ARNT2: variants seen among roughly 807,000 people sequenced by gnomAD.
ARNT2 encodes aryl hydrocarbon receptor nuclear translocator 2.
A neutral mutation model predicts 91.7 loss-of-function variants in ARNT2; 36 were observed. The observed-to-expected ratio is 0.39, with a 90% CI of 0.30 to 0.52. The LOEUF is 0.52. Among genes scored for constraint, ARNT2 ranks in the 20% least tolerant of loss-of-function variants. The pLI, the probability that ARNT2 is intolerant of heterozygous loss-of-function variation, is 0.72. For synonymous variants in ARNT2, 365 were observed against 347.1 expected, an observed-to-expected ratio of 1.05 and a Z score of -0.57; for missense variants, 775 against 939.3, an observed-to-expected ratio of 0.83 and a Z score of 2.29.
At chr15:80,420,137 G>A (rs1895842024) in intron 1 of ARNT2, among the ~76,000 whole-genome samples, 1 of 151,964 alleles carries the variant, frequency 6.6e-6, no homozygotes, top group South Asian at 2.1e-4. Context: ...TCTTCTATCA[G>A]CCCCTCTTTT....
chr15:80,509,372 G>C (rs1454912381), intron 6 of ARNT2, among the ~76,000 whole-genome samples: 1 of 152,096 alleles, frequency 6.6e-6, no homozygotes, highest in African/African-American at 2.4e-5. Flanking sequence ...AACCCAGGAG[G>C]CGGAGGTTGC....
intron 3 of ARNT2, 64 bp downstream of exon 3, chr15:80,458,040 T>C (rs1896504159): frequency 2.6e-6 from 4 of 1,525,260 alleles, no homozygotes; most frequent in East Asian, 4.5e-5. Flanking sequence ...CTTAGAAAGA[T>C]ACAAGAATGT....
At chr15:80,441,450 G>A (rs557514872) in intron 1 of ARNT2, 8 of 963,194 alleles carry the variant, frequency 8.3e-6, no homozygotes, top group South Asian at 9.6e-5. Flanking sequence ...TGAGAAGAGC[G>A]TTTTTCTTTG....
At chr15:80,465,626 C>T (rs767293610) in intron 3 of ARNT2, among the ~76,000 whole-genome samples, 5 of 152,178 alleles carry the variant, frequency 3.3e-5, no homozygotes, top group Non-Finnish European at 7.4e-5. Context: ...GGTGGCCTGG[C>T]TAGAGCTAGA....
chr15:80,520,743 A>G (rs1026928868), intron 8 of ARNT2, among the ~76,000 whole-genome samples: 1 of 152,176 alleles, frequency 6.6e-6, no homozygotes, highest in South Asian at 2.1e-4. Context: ...CCATATTTCA[A>G]TAAAGCTAGG....
intron 5 of ARNT2, among the ~76,000 whole-genome samples, chr15:80,505,947 T>TTTTTTTTTTA (rs1897269038): frequency 2.5e-5 from 3 of 121,164 alleles, no homozygotes; most frequent in Admixed American, 8.6e-5. Context: ...TTTTTTTTTT[T>TTTTTTTTTTA]GAGACGGAGT....
At chr15:80,414,588 C>A (rs1014615852) in intron 1 of ARNT2, among the ~76,000 whole-genome samples, 5 of 152,066 alleles carry the variant, frequency 3.3e-5, no homozygotes, top group Non-Finnish European at 7.4e-5. Flanking sequence ...AACAGAACTG[C>A]AAAAAGTTAT....
chr15:80,445,822 G>T (rs1896291998), intron 1 of ARNT2, among the ~76,000 whole-genome samples: 1 of 151,998 alleles, frequency 6.6e-6, no homozygotes, highest in African/African-American at 2.4e-5. Flanking sequence ...TCTGTCTCTG[G>T]CCACAGCCTC....
At chr15:80,540,390 C>G (rs976926760) in intron 8 of ARNT2, among the ~76,000 whole-genome samples, 3 of 152,148 alleles carry the variant, frequency 2.0e-5, no homozygotes, top group African/African-American at 7.2e-5. Context: ...GAATTGATTT[C>G]TGTTTCCTTA....
intron 1 of ARNT2, among the ~76,000 whole-genome samples, chr15:80,410,678 T>G (rs1895667899): frequency 6.6e-6 from 1 of 152,188 alleles, no homozygotes; most frequent in Non-Finnish European, 1.5e-5. Context: ...TTGTCTGTCT[T>G]TATTGAGATT....
rs942202263 is a variant in ARNT2 at position 80,513,069 on chromosome 15, T to C, written c.726-842T>C. 7.9e-5 allele frequency among the ~76,000 whole-genome samples: 12 copies of C among 152,296 alleles called. 1 individual carries two copies. In the East Asian group the frequency reaches 9.7e-4, roughly 12 times the overall value. On this transcript the variant is annotated intron_variant, in intron 6 of 18. Transcript: ENST00000303329. ...GGCAGCTGTCTAAGGTCTCAGAGTATAACTAGACTCTTATCCCTGCTGTAT... is the reference window on the plus strand; with the variant it reads ...GGCAGCTGTCTAAGGTCTCAGAGTACAACTAGACTCTTATCCCTGCTGTAT...
At chr15:80,439,679 T>C (rs985676490) in intron 1 of ARNT2, among the ~76,000 whole-genome samples, 3 of 152,240 alleles carry the variant, frequency 2.0e-5, no homozygotes, top group African/African-American at 7.2e-5. Context: ...CAACTGCCTT[T>C]GGACAGTCAA....
chr15:80,579,615 G>C (rs1041313175), intron 15 of ARNT2, among the ~76,000 whole-genome samples: 1 of 152,184 alleles, frequency 6.6e-6, no homozygotes, highest in African/African-American at 2.4e-5. Context: ...TGCTGAGCTA[G>C]TCCCAGGGAG....
chr15:80,592,715 A>G (rs1454497571), intron 18 of ARNT2, among the ~76,000 whole-genome samples: 2 of 152,162 alleles, frequency 1.3e-5, no homozygotes, highest in East Asian at 1.9e-4. Flanking sequence ...GACTGCAGCC[A>G]TCTCCTCCTT....
At chr15:80,541,972 G>A (rs7167664) in intron 8 of ARNT2, among the ~76,000 whole-genome samples, 45,230 of 152,080 alleles carry the variant, frequency 0.3, 7,187 homozygotes, top group Non-Finnish European at 0.35. Flanking sequence ...GTGGCTGCTC[G>A]TCAGTGTTGG....
At chr15:80,581,040 G>A (rs940828090) in intron 16 of ARNT2, 199 bp from the exon 17 acceptor site, 11 of 632,442 alleles carry the variant, frequency 1.7e-5, no homozygotes, top group African/African-American at 7.3e-5. Flanking sequence ...TCAACCAGAC[G>A]TGCCCCAAAG....
intron 12 of ARNT2, among the ~76,000 whole-genome samples, chr15:80,569,426 A>C (rs569700311): frequency 2.6e-5 from 4 of 152,266 alleles, no homozygotes; most frequent in Middle Eastern, 3.4e-3. Flanking sequence ...ATTTGCAAGC[A>C]CACCGAGGTT....
At chr15:80,526,687 C>T (rs921336450) in intron 8 of ARNT2, among the ~76,000 whole-genome samples, 7 of 152,194 alleles carry the variant, frequency 4.6e-5, no homozygotes, top group African/African-American at 1.7e-4. Flanking sequence ...GATGCCTGTC[C>T]TCACTTTGCT....
At chr15:80,458,409 T>A (rs1896508742) in intron 3 of ARNT2, among the ~76,000 whole-genome samples, 1 of 152,134 alleles carries the variant, frequency 6.6e-6, no homozygotes, top group African/African-American at 2.4e-5. Flanking sequence ...AAGATAAGTC[T>A]TTTATTGCTA....
Sources: gnomAD v4.1 joint callset for allele counts (sites outside exome capture counted in the v4.1 genomes callset) on GRCh38, gnomAD v4.1.1 for gene constraint, MANE v1.5 for transcripts, NCBI Gene and HGNC (gene_info 2026-07-23, HGNC 2026-07-21) for gene names.